Variants in ATP2A2 observed in about 807,000 individuals in gnomAD.
ATP2A2 encodes sarcoplasmic/endoplasmic reticulum calcium ATPase 2.
ATP2A2 carries 14 observed loss-of-function variants against 109.3 expected under a neutral mutation model. The observed-to-expected ratio is 0.13, with a 90% CI of 0.08 to 0.20. The LOEUF (loss-of-function observed/expected upper bound fraction) is 0.20. ATP2A2 is among the 10% of genes least tolerant of loss of function. The probability of loss-of-function intolerance (pLI) is 1.00; values close to 1 mark genes in which losing one functional copy is unlikely to be tolerated. For synonymous variants in ATP2A2, 506 were observed against 490.9 expected, an observed-to-expected ratio of 1.03 and a Z score of -0.41; for missense variants, 657 against 1,321.6, an observed-to-expected ratio of 0.50 and a Z score of 7.80.
At chr12:110,292,922 T>C (rs560457839) in intron 4 of ATP2A2, among the ~76,000 whole-genome samples, 1 of 152,350 alleles carries the variant, frequency 6.6e-6, no homozygotes, top group Admixed American at 6.5e-5. Flanking sequence ...AAGCTACATG[T>C]CATTTTTATT....
intron 5 of ATP2A2, among the ~76,000 whole-genome samples, chr12:110,315,858 G>T (rs1290224341): frequency 6.6e-6 from 1 of 152,212 alleles, no homozygotes; most frequent in African/African-American, 2.4e-5. Context: ...AGAATTGCTT[G>T]AACCCAGGAG....
Position 110,350,228 on chromosome 12 carries a change from T to C in ATP2A2, c.*3758T>C, listed in dbSNP as rs1044088522. 12 of 1,614,126 alleles carry C rather than the reference T, an allele frequency of 7.4e-6. No individual in the cohort carries two copies. In the African/African-American group the frequency reaches 9.3e-5, roughly 13 times the overall value. ...CGCTGTTGATCTTCATCTATTTAAA[T>C]AGGTATTCTAACGTTTCCTCTCTGT... On this transcript the variant is annotated 3_prime_UTR_variant, in exon 20 of 20. Coordinates refer to ENST00000539276, the MANE Select transcript of ATP2A2 (RefSeq NM_170665.4).
intron 3 of ATP2A2, among the ~76,000 whole-genome samples, chr12:110,284,828 T>C (rs909536524): frequency 1.3e-5 from 2 of 152,212 alleles, no homozygotes; most frequent in Non-Finnish European, 2.9e-5. Context: ...AGTACTTCTA[T>C]AGAATTAATT....
At chr12:110,316,648 T>A (rs777661628) in intron 5 of ATP2A2, among the ~76,000 whole-genome samples, 5 of 152,166 alleles carry the variant, frequency 3.3e-5, no homozygotes, top group Non-Finnish European at 7.4e-5. Context: ...TTTATGGAGC[T>A]TTTGGTTTTA....
rs375096367 is a variant in ATP2A2, at chr12:110,342,425, G to A, written c.2295G>A (p.Ser765=). The stretch of plus-strand genomic sequence containing the variant: ...AACAGTTCATCCGCTACCTCATCTC[G>A]TCCAACGTCGGGGAAGTTGTCTGGT... ...NMKQFIRYLI[S]SNVGEVVCIF... is the part of the protein sequence containing the mutation. Residue 765 remains serine (S), a synonymous_variant, in exon 15 of 20, where the codon TCG becomes TCA. Transcript: ENST00000539276. This position sits in a 1 kb window ranked among gnomAD's most constrained non-coding sequence, Gnocchi z 4.6. 401 of 1,613,692 alleles carry A rather than the reference G, an allele frequency of 2.5e-4. 1 individual carries two copies. Among genetic ancestry groups the A allele is most frequent in the Non-Finnish European group, 3.3e-4 (388 of 1,180,030 alleles).
chr12:110,305,401 C>T (rs1414157932), intron 5 of ATP2A2, among the ~76,000 whole-genome samples: 2 of 152,120 alleles, frequency 1.3e-5, no homozygotes, highest in African/African-American at 4.8e-5. Flanking sequence ...CAAGACCTTG[C>T]CTCTTTAAAA....
At position 110,327,932 on chromosome 12, in the gene ATP2A2, C is replaced by T. The variant is rs866239874; in HGVS notation, c.1010C>T (p.Pro337Leu). 6 of 1,614,116 alleles carry T rather than the reference C, an allele frequency of 3.7e-6. No individual in the cohort carries two copies. Among genetic ancestry groups the T allele is most frequent in the Non-Finnish European group, 5.1e-6 (6 of 1,180,018 alleles). The change falls in exon 8 of 20, where the codon CCG becomes CTG. Residue 337 changes from proline to leucine, a missense_variant. This residue lies in a region of ATP2A2 where 136 missense variants were observed against 343.9 expected (regional missense o/e 0.40). Transcript: ENST00000539276. The surrounding 1 kb of genome is among the most constrained non-coding windows in gnomAD (Gnocchi z 4.4). Reference sequence around the variant, plus strand: ...AAAAATGCCATTGTTCGAAGCCTCCCGTCTGTGGAAACCCTTGGTTGTACT... The same window carrying T: ...AAAAATGCCATTGTTCGAAGCCTCCTGTCTGTGGAAACCCTTGGTTGTACT... ...AKKNAIVRSL[P>L]SVETLGCTSV...
At position 110,293,824 on chromosome 12, in the gene ATP2A2, ATATGTGTGTG is replaced by A. The variant is rs1873624232; in HGVS notation, c.324+1702_324+1711del. Among the ~76,000 whole-genome samples, 4 of 126,378 alleles carry A rather than the reference ATATGTGTGTG, an allele frequency of 3.2e-5. No homozygotes were observed. The Admixed American group carries it at 3.2e-4, about 10-fold the overall frequency. The allele number at this position is 126,378 out of a possible 152,430, so 82.9% of individuals were successfully genotyped here. A position where few individuals can be genotyped will look rare whatever the true frequency, so the allele number is the denominator to read the frequency against. ...TTAGAGATTTGTAATTGTGCCATAT[ATATGTGTGTG>A]TGTGTGTGTGTGTGTGTGTGTGTGT... On this transcript the variant is annotated intron_variant, in intron 4 of 19. Coordinates refer to ENST00000539276, the MANE Select transcript of ATP2A2 (RefSeq NM_170665.4).
At chr12:110,326,302 A>T in intron 6 of ATP2A2, 88 bp from the exon 7 acceptor site, 1 of 1,191,490 alleles carries the variant, frequency 8.4e-7, no homozygotes, top group Non-Finnish European at 1.2e-6. Context: ...GTATCCCAAG[A>T]GTGGTAATGG....
At chr12:110,341,083 C>T in intron 14 of ATP2A2, 89 bp downstream of exon 14, 1 of 1,394,500 alleles carries the variant, frequency 7.2e-7, no homozygotes, top group Non-Finnish European at 1.0e-6. Flanking sequence ...TTTGTCATAG[C>T]TCCCTAATTT....
chr12:110,297,495 T>C (rs1874094362), intron 5 of ATP2A2, among the ~76,000 whole-genome samples: 1 of 148,362 alleles, frequency 6.7e-6, no homozygotes, highest in Admixed American at 6.8e-5. Context: ...GAGCCAGGAG[T>C]CTCTGCCTGA....
chr12:110,281,849 G>T lies in ATP2A2; in HGVS notation c.60G>T (p.Glu20Asp). ...EEVLGHFGVN[E>D]STGLSLEQVK... ...TGCTGGGCCACTTCGGCGTCAACGA[G>T]AGTACGGGGCTGAGCCTGGAACAGG... The change falls in exon 1 of 20, where the codon GAG becomes GAT. Residue 20 changes from glutamate to aspartate, a missense_variant. Glu to Asp is a conservative substitution (Grantham distance 45). This residue lies in a region of ATP2A2 where 64 missense variants were observed against 65.4 expected (regional missense o/e 0.98). Transcript: ENST00000539276. 6.4e-7 allele frequency: 1 copy of T among 1,571,620 alleles called. No individual in the cohort carries two copies. Among genetic ancestry groups the T allele is most frequent in the East Asian group, 2.4e-5 (1 of 41,882 alleles).
At chr12:110,301,350 T>C (rs1450323125) in intron 5 of ATP2A2, among the ~76,000 whole-genome samples, 1 of 152,238 alleles carries the variant, frequency 6.6e-6, no homozygotes, top group African/African-American at 2.4e-5. Context: ...TTCTCTTCAG[T>C]TGGTGATTCT....
chr12:110,306,617 T>G (rs760046265), intron 5 of ATP2A2, among the ~76,000 whole-genome samples: 2 of 152,240 alleles, frequency 1.3e-5, no homozygotes, highest in African/African-American at 2.4e-5. Flanking sequence ...AGACAGTATT[T>G]GGTTTTCTGG....
intron 5 of ATP2A2, among the ~76,000 whole-genome samples, chr12:110,301,511 G>A (rs943364446): frequency 2.6e-5 from 4 of 152,092 alleles, no homozygotes; most frequent in African/African-American, 4.8e-5. Context: ...CACTGATTCT[G>A]TCTCCAGAAC....
rs1879884595 is a variant in ATP2A2 at position 110,346,568 on chromosome 12, A to G, written c.*98A>G. On this transcript the variant is annotated 3_prime_UTR_variant, in exon 20 of 20. Coordinates refer to ENST00000539276, the MANE Select transcript of ATP2A2 (RefSeq NM_170665.4). ...TTCTGCTGAATTTTCACATGAACAT[A>G]CTGGCTGGTGATGGAGGTTTCATAC... 18 of 1,561,334 alleles carry G rather than the reference A, an allele frequency of 1.2e-5. No homozygotes were observed. The highest frequency in any genetic ancestry group is 1.6e-5 in the Non-Finnish European group (18 of 1,158,034).
At chr12:110,287,539 T>A (rs1284031074) in intron 3 of ATP2A2, among the ~76,000 whole-genome samples, 1 of 152,212 alleles carries the variant, frequency 6.6e-6, no homozygotes, top group Non-Finnish European at 1.5e-5. Context: ...GAAGAAACAC[T>A]GTTTATGTCC....
rs551700231 is a variant in ATP2A2, at chr12:110,325,989, A to G, written c.545-401A>G. Reference sequence around the variant, plus strand: ...TGATAGAGCAAGACCTCTGTCTCGAAAAAAAAAAAAAGTATCAGTATATAT... The same window carrying G: ...TGATAGAGCAAGACCTCTGTCTCGAGAAAAAAAAAAAGTATCAGTATATAT... On this transcript the variant is annotated intron_variant, in intron 6 of 19. Transcript: ENST00000539276. 1.4e-4 allele frequency: 27 copies of G among 190,122 alleles called. No individual in the cohort carries two copies. In the East Asian group the frequency reaches 3.5e-3, roughly 25 times the overall value. The allele number at this position is 190,122 out of a possible 1,614,324, so 11.8% of individuals were successfully genotyped here.
chr12:110,310,587 A>G (rs1000890639), intron 5 of ATP2A2, among the ~76,000 whole-genome samples: 6 of 152,204 alleles, frequency 3.9e-5, no homozygotes, highest in Admixed American at 3.3e-4. Flanking sequence ...TTCTCAGATG[A>G]CTTCTGTCTT....
Sources: gnomAD v4.1 joint callset for allele counts (sites outside exome capture counted in the v4.1 genomes callset) on GRCh38, gnomAD v4.1.1 for gene constraint, gnomAD v4.1.1 regional missense constraint, Gnocchi (gnomAD v3.1) non-coding constraint, MANE v1.5 for transcripts, NCBI Gene and HGNC (gene_info 2026-07-23, HGNC 2026-07-21) for gene names.